PDGFD: variants seen among roughly 807,000 people sequenced by gnomAD.
PDGFD encodes the protein platelet-derived growth factor D.
Under a neutral mutation model 44.7 loss-of-function variants are expected in PDGFD, and 30 were observed. That is an observed-to-expected ratio of 0.67 (90% CI 0.50 to 0.91). The LOEUF (loss-of-function observed/expected upper bound fraction) is 0.91, where lower values mean the gene tolerates loss of function less well. PDGFD is among the 40% of genes least tolerant of loss of function. The probability of loss-of-function intolerance (pLI) is 0.00; values close to 1 mark genes in which losing one functional copy is unlikely to be tolerated. For synonymous variants in PDGFD, 173 were observed against 168.4 expected, an observed-to-expected ratio of 1.03 and a Z score of -0.21; for missense variants, 445 against 457.8, an observed-to-expected ratio of 0.97 and a Z score of 0.25.
At chr11:104,128,201 T>A (rs1331152236) in intron 1 of PDGFD, among the ~76,000 whole-genome samples, 2 of 144,602 alleles carry the variant, frequency 1.4e-5, no homozygotes, top group Admixed American at 1.5e-4. Context: ...AAAGGGACAT[T>A]ACCTGTGCCC....
chr11:103,925,740 A>AT (rs1438486481), intron 6 of PDGFD, among the ~76,000 whole-genome samples: 24 of 113,970 alleles, frequency 2.1e-4, no homozygotes, highest in South Asian at 8.4e-4. Context: ...TATATATGTA[A>AT]TTTTTTTTTT....
At chr11:103,955,163 C>CAAAAAAAAAAAAAA (rs539890054) in intron 3 of PDGFD, among the ~76,000 whole-genome samples, 1 of 58,412 alleles carries the variant, frequency 1.7e-5, no homozygotes, top group Non-Finnish European at 3.0e-5. Context: ...GACTCCGTCT[C>CAAAAAAAAAAAAAA]AAAAAAAAAA....
Position 104,163,969 on chromosome 11 carries a change from C to A in PDGFD, c.-42G>T. The A allele has an allele frequency of 6.7e-7, 1 of 1,493,452 alleles. No individual in the cohort carries two copies. The highest frequency in any genetic ancestry group is 9.0e-7 in the Non-Finnish European group (1 of 1,106,164). The allele number at this position is 1,493,452 out of a possible 1,614,324, so 92.5% of individuals were successfully genotyped here. A position where few individuals can be genotyped will look rare whatever the true frequency, so the allele number is the denominator to read the frequency against. ...GAGACAGCGTCGCTCCAAGAAAAAG[C>A]CGGGTTCTGCTCCCGGGACCGACGC... On this transcript the variant is annotated 5_prime_UTR_variant, in exon 1 of 7. Transcript: ENST00000393158.
intron 1 of PDGFD, among the ~76,000 whole-genome samples, chr11:104,155,046 C>T (rs1862288803): frequency 6.6e-6 from 1 of 152,186 alleles, no homozygotes. Flanking sequence ...AGAGTCTAAT[C>T]CAAAGCGCCA....
chr11:103,936,470 T>TA lies in PDGFD; in HGVS notation c.772+6981dup, dbSNP rs917359406. 3.3e-5 allele frequency among the ~76,000 whole-genome samples: 5 copies of TA among 152,224 alleles called. No homozygotes were observed. In the East Asian group the frequency reaches 5.8e-4, roughly 18 times the overall value. On this transcript the variant is annotated intron_variant, in intron 5 of 6. Transcript: ENST00000393158. ...ATGACAAAGAAACAGCAATAAATGA[T>TA]AAAATTTTTTTAAAGAACCTATTCT... is the stretch of plus-strand genomic sequence containing the variant.
chr11:104,118,742 A>C (rs945285536), intron 1 of PDGFD, among the ~76,000 whole-genome samples: 5 of 87,628 alleles, frequency 5.7e-5, no homozygotes, highest in Non-Finnish European at 1.1e-4. Flanking sequence ...ATTAATATAT[A>C]TTATTATATA....
chr11:104,093,150 G>A (rs1053727030), intron 1 of PDGFD, among the ~76,000 whole-genome samples: 6 of 152,088 alleles, frequency 3.9e-5, no homozygotes, highest in African/African-American at 1.2e-4. Flanking sequence ...CAAGCTAGCA[G>A]CCCTTCTAGG....
chr11:103,995,675 A>C (rs1859524182), intron 3 of PDGFD, among the ~76,000 whole-genome samples: 1 of 152,242 alleles, frequency 6.6e-6, no homozygotes, highest in African/African-American at 2.4e-5. Flanking sequence ...CTTATACACA[A>C]ATTTTCAAAC....
intron 1 of PDGFD, among the ~76,000 whole-genome samples, chr11:104,058,191 A>T (rs1860652804): frequency 6.6e-6 from 1 of 152,228 alleles, no homozygotes; most frequent in African/African-American, 2.4e-5. Flanking sequence ...TTGGATAAAC[A>T]CTTTAAGAAA....
At chr11:104,108,283 A>G (rs11226160) in intron 1 of PDGFD, among the ~76,000 whole-genome samples, 34,662 of 151,902 alleles carry the variant, frequency 0.23, 4,291 homozygotes, top group Middle Eastern at 0.46. Flanking sequence ...CAGAATGGGA[A>G]AACATTTTTG....
intron 1 of PDGFD, among the ~76,000 whole-genome samples, chr11:104,035,633 A>G (rs183074423): frequency 7.1e-6 from 1 of 140,102 alleles, no homozygotes; most frequent in African/African-American, 2.7e-5. Context: ...AACTCCGTAG[A>G]TTCACATATG....
chr11:104,038,097 A>G, intron 1 of PDGFD: 2 of 1,347,922 alleles, frequency 1.5e-6, no homozygotes, highest in Non-Finnish European at 1.0e-6. Flanking sequence ...CAATGTAATC[A>G]TTAAAAAACA....
intron 3 of PDGFD, among the ~76,000 whole-genome samples, chr11:103,967,341 G>A (rs1431583124): frequency 1.3e-5 from 2 of 152,134 alleles, no homozygotes; most frequent in Non-Finnish European, 2.9e-5. Context: ...TAATGTCAGT[G>A]TCCTTGGTTT....
At chr11:104,038,587 T>C (rs1860295265) in intron 1 of PDGFD, 1 of 167,232 alleles carries the variant, frequency 6.0e-6, no homozygotes, top group Non-Finnish European at 1.5e-5. Context: ...TATTTACACC[T>C]TCCCTTCCCC....
At chr11:103,945,456 C>T (rs915395890) in intron 4 of PDGFD, 4 of 152,198 alleles carry the variant, frequency 2.6e-5, no homozygotes, top group African/African-American at 9.7e-5. Context: ...AATCTACAGT[C>T]TATCTGGCTA....
intron 1 of PDGFD, among the ~76,000 whole-genome samples, chr11:104,139,884 A>G (rs1862060514): frequency 1.4e-5 from 1 of 70,680 alleles, no homozygotes; most frequent in Admixed American, 1.3e-4. Flanking sequence ...AAAAAAAAAA[A>G]AAAAAAAAAA....
intron 1 of PDGFD, among the ~76,000 whole-genome samples, chr11:104,130,796 T>A (rs1240404284): frequency 6.6e-6 from 1 of 152,178 alleles, no homozygotes; most frequent in Non-Finnish European, 1.5e-5. Context: ...CTATTACCTA[T>A]CACTTCATCA....
At chr11:104,101,680 T>C (rs987202031) in intron 1 of PDGFD, among the ~76,000 whole-genome samples, 35 of 152,048 alleles carry the variant, frequency 2.3e-4, no homozygotes, top group African/African-American at 2.4e-5. Flanking sequence ...CAAACTATAC[T>C]ACAAGGCTAC....
At chr11:104,042,497 A>G (rs1189236912) in intron 1 of PDGFD, among the ~76,000 whole-genome samples, 2 of 152,114 alleles carry the variant, frequency 1.3e-5, no homozygotes, top group African/African-American at 2.4e-5. Flanking sequence ...ATGTTTTCTG[A>G]TTGCTTTTTC....
Sources: allele counts gnomAD v4.1 joint callset (sites outside exome capture counted in the v4.1 genomes callset), GRCh38; gene constraint gnomAD v4.1.1; transcripts MANE v1.5; gene names NCBI Gene and HGNC (gene_info 2026-07-23, HGNC 2026-07-21).